Variants in ROBO1 observed in about 807,000 individuals in gnomAD.
ROBO1 encodes the protein roundabout homolog 1.
Under a neutral mutation model 195.9 loss-of-function variants are expected in ROBO1, and 149 were observed. The ratio of observed to expected loss-of-function variants is 0.76; its 90% CI spans 0.67 to 0.87. The LOEUF is 0.87. ROBO1 is among the 40% of genes least tolerant of loss of function. The probability of loss-of-function intolerance (pLI) is 0.00; values close to 1 mark genes in which losing one functional copy is unlikely to be tolerated. For missense variants in ROBO1, 1,933 were observed against 2,068.3 expected (o/e 0.93, Z 1.27); for synonymous variants, 816 against 733.2 (o/e 1.11, Z -1.82).
At chr3:79,541,862 G>C (rs116347024) in intron 2 of ROBO1, among the ~76,000 whole-genome samples, 2,339 of 150,570 alleles carry the variant, frequency 0.016, 28 homozygotes, top group Non-Finnish European at 0.026. Flanking sequence ...GAGAGAGAAA[G>C]AGAGAGAGAG....
At chr3:79,043,372 T>C (rs113460745) in intron 3 of ROBO1, among the ~76,000 whole-genome samples, 1 of 152,090 alleles carries the variant, frequency 6.6e-6, no homozygotes, top group East Asian at 1.9e-4. Flanking sequence ...TTAATGACTA[T>C]TTTTAATTAA....
At chr3:79,173,367 G>A (rs371751803) in intron 2 of ROBO1, among the ~76,000 whole-genome samples, 42 of 152,240 alleles carry the variant, frequency 2.8e-4, no homozygotes, top group African/African-American at 7.7e-4. Flanking sequence ...CCAGGGCTGC[G>A]CGCGGTGCTT....
At chr3:79,611,400 G>A (rs1040872687) in intron 1 of ROBO1, among the ~76,000 whole-genome samples, 12 of 151,882 alleles carry the variant, frequency 7.9e-5, no homozygotes, top group African/African-American at 2.4e-4. Context: ...AAATGAAATC[G>A]ATGGGATATT....
chr3:79,366,912 T>C (rs1459061425), intron 2 of ROBO1, among the ~76,000 whole-genome samples: 1 of 152,160 alleles, frequency 6.6e-6, no homozygotes. Flanking sequence ...AGCTCTTAAG[T>C]TTACATTATA....
chr3:79,236,576 A>G (rs1382069203), intron 2 of ROBO1, among the ~76,000 whole-genome samples: 1 of 152,158 alleles, frequency 6.6e-6, no homozygotes, highest in East Asian at 1.9e-4. Context: ...TCATTTCAAT[A>G]TATCTTTTAA....
At chr3:79,662,850 C>T (rs1946369761) in intron 1 of ROBO1, among the ~76,000 whole-genome samples, 1 of 151,918 alleles carries the variant, frequency 6.6e-6, no homozygotes, top group Admixed American at 6.6e-5. Context: ...TCACTTAGAG[C>T]CCTGTGGGAG....
intron 2 of ROBO1, among the ~76,000 whole-genome samples, chr3:79,140,507 T>A (rs1224627010): frequency 6.6e-6 from 1 of 152,126 alleles, no homozygotes; most frequent in African/African-American, 2.4e-5. Context: ...CAGGAGTCTG[T>A]GAGCATTAAA....
chr3:78,963,493 A>G (rs1159136049), intron 3 of ROBO1, among the ~76,000 whole-genome samples: 2 of 41,098 alleles, frequency 4.9e-5, no homozygotes, highest in South Asian at 1.1e-3. Context: ...GAAAACCTTC[A>G]GTTTTTTTTT....
intron 1 of ROBO1, among the ~76,000 whole-genome samples, chr3:79,684,046 G>A (rs749035031): frequency 5.9e-5 from 9 of 151,934 alleles, no homozygotes; most frequent in Non-Finnish European, 1.0e-4. Context: ...AAGTGTTTGC[G>A]CCATTTTAGA....
chr3:78,983,794 G>A lies in ROBO1; in HGVS notation c.173-44867C>T, dbSNP rs57997762. On this transcript the variant is annotated intron_variant, in intron 3 of 30. Transcript: ENST00000464233. ...GAGTACTTAAGTACTTGAGAAACTA[G>A]CGCCATCTTGGTTTCAGCTGGAGGG... 7.9e-5 allele frequency among the ~76,000 whole-genome samples: 12 copies of A among 152,262 alleles called. No homozygotes were observed. The East Asian group carries it at 2.3e-3, about 29-fold the overall frequency.
At chr3:79,474,168 C>A (rs1938428559) in intron 2 of ROBO1, among the ~76,000 whole-genome samples, 1 of 152,094 alleles carries the variant, frequency 6.6e-6, no homozygotes, top group East Asian at 1.9e-4. Context: ...ATACAAGATC[C>A]CATTTAGATA....
At chr3:78,836,551 A>ATTGAATAG (rs1330538850) in intron 4 of ROBO1, among the ~76,000 whole-genome samples, 1 of 151,618 alleles carries the variant, frequency 6.6e-6, no homozygotes, top group African/African-American at 2.4e-5. Context: ...AATCCCTCCT[A>ATTGAATAG]TTGAATAGTT....
chr3:79,237,830 TCA>T (rs1208992501), intron 2 of ROBO1, among the ~76,000 whole-genome samples: 1 of 152,170 alleles, frequency 6.6e-6, no homozygotes, highest in East Asian at 1.9e-4. Context: ...CCAAAAAATT[TCA>T]GTCATGGTCA....
At chr3:79,039,938 A>G (rs916224854) in intron 3 of ROBO1, among the ~76,000 whole-genome samples, 1 of 152,150 alleles carries the variant, frequency 6.6e-6, no homozygotes, top group African/African-American at 2.4e-5. Context: ...TAATGATGGA[A>G]TGAGATACTT....
intron 2 of ROBO1, among the ~76,000 whole-genome samples, chr3:79,191,104 A>C (rs973620226): frequency 6.6e-6 from 1 of 151,512 alleles, no homozygotes; most frequent in African/African-American, 2.4e-5. Flanking sequence ...ATGTTGGTTA[A>C]TTCTCGTGAT....
At chr3:79,489,245 T>A (rs1939323017) in intron 2 of ROBO1, among the ~76,000 whole-genome samples, 1 of 152,026 alleles carries the variant, frequency 6.6e-6, no homozygotes, top group Admixed American at 6.6e-5. Flanking sequence ...TTTCTTAACA[T>A]GAATGTGAAG....
At chr3:79,122,275 A>C (rs2080133623) in intron 3 of ROBO1, among the ~76,000 whole-genome samples, 1 of 152,026 alleles carries the variant, frequency 6.6e-6, no homozygotes, top group African/African-American at 2.4e-5. Flanking sequence ...GAAATGGGCC[A>C]CTTCACTGTA....
chr3:79,623,568 A>T (rs573930966), intron 1 of ROBO1, among the ~76,000 whole-genome samples: 91 of 152,324 alleles, frequency 6.0e-4, no homozygotes, highest in Middle Eastern at 3.4e-3. Flanking sequence ...TCAACAGTTG[A>T]ATCTACCAAC....
intron 2 of ROBO1, among the ~76,000 whole-genome samples, chr3:79,281,776 C>G (rs1005535409): frequency 4.6e-5 from 7 of 152,086 alleles, no homozygotes; most frequent in African/African-American, 1.7e-4. Flanking sequence ...TCGGAGGGAA[C>G]AAACTTTCTA....
Sources: gnomAD v4.1 joint callset for allele counts (sites outside exome capture counted in the v4.1 genomes callset) on GRCh38, gnomAD v4.1.1 for gene constraint, MANE v1.5 for transcripts, NCBI Gene and HGNC (gene_info 2026-07-23, HGNC 2026-07-21) for gene names.